Variants in CCDC30 observed in about 807,000 individuals in gnomAD.
The protein encoded by CCDC30 is coiled-coil domain containing 30, also known as coiled-coil domain-containing protein 30.
Under a neutral mutation model 100.2 loss-of-function variants are expected in CCDC30, and 70 were observed. The ratio of observed to expected loss-of-function variants is 0.70; its 90% CI spans 0.58 to 0.85. CCDC30 has a LOEUF of 0.85. CCDC30 is among the 40% of genes least tolerant of loss of function. The pLI is 0.00. For synonymous variants in CCDC30, 233 were observed against 269.5 expected (o/e 0.86, Z 1.33); for missense variants, 652 against 771.2 (o/e 0.85, Z 1.83).
intron 6 of CCDC30, among the ~76,000 whole-genome samples, chr1:42,511,846 G>A (rs1342472536): frequency 6.6e-6 from 1 of 152,074 alleles, no homozygotes; most frequent in Admixed American, 6.5e-5. Context: ...TCTGAGACCA[G>A]CTTGGTCGTG....
chr1:42,507,491 T>C (rs1040717942), intron 6 of CCDC30, among the ~76,000 whole-genome samples: 1 of 152,234 alleles, frequency 6.6e-6, no homozygotes, highest in African/African-American at 2.4e-5. Context: ...CCTTCAGCTT[T>C]ATCTTATCTA....
rs144355749 is a variant in CCDC30, at chr1:42,574,839, T to C, written c.637-2181T>C. ...GTAATATTAGCATATGCCTCAGCTC[T>C]GTATTTCAAATGCAGTAGATATTCT... On this transcript the variant is annotated intron_variant, in intron 7 of 16. Coordinates refer to ENST00000668663, the Ensembl canonical transcript of CCDC30. Among the ~76,000 whole-genome samples the C allele has an allele frequency of 8.8e-4, 134 of 152,348 alleles. 2 individuals carry two copies. In the East Asian group the frequency reaches 0.021, roughly 23 times the overall value.
intron 11 of CCDC30, among the ~76,000 whole-genome samples, chr1:42,616,620 A>G (rs906735476): frequency 6.6e-6 from 1 of 152,236 alleles, no homozygotes; most frequent in Admixed American, 6.5e-5. Flanking sequence ...CTTAAACACA[A>G]GCTAAAAGTT....
At position 42,510,052 on chromosome 1, in the gene CCDC30, G is replaced by A. The variant is rs969176857; in HGVS notation, c.456+11136G>A. ...AGGAAAAATACCATAGAAAAGTCTC[G>A]GGGTTTGTGTTGTAGAATTGGAGGA... On this transcript the variant is annotated intron_variant, in intron 6 of 16. Transcript: ENST00000668663. 1.4e-5 allele frequency: 14 copies of A among 985,022 alleles called. No homozygotes were observed. The Admixed American group carries it at 1.8e-4, about 13-fold the overall frequency. 61.0% of individuals were successfully genotyped at this position (985,022 alleles called of 1,614,324 possible).
At chr1:42,584,091 A>G (rs997491073) in intron 9 of CCDC30, among the ~76,000 whole-genome samples, 4 of 152,134 alleles carry the variant, frequency 2.6e-5, no homozygotes, top group Non-Finnish European at 5.9e-5. Context: ...GTGTTTATAA[A>G]CTATAAAAAT....
intron 1 of CCDC30, among the ~76,000 whole-genome samples, chr1:42,473,924 T>C (rs1463894651): frequency 6.6e-6 from 1 of 152,188 alleles, no homozygotes. Flanking sequence ...CTGGACCTCA[T>C]ATCCTAGGAC....
intron 6 of CCDC30, among the ~76,000 whole-genome samples, chr1:42,514,644 T>C (rs574187667): frequency 1.6e-4 from 25 of 152,214 alleles, no homozygotes; most frequent in African/African-American, 4.1e-4. Flanking sequence ...ATTAGTCTCT[T>C]ATGTGTTTTG....
At chr1:42,487,242 T>C (rs1644067357) in intron 3 of CCDC30, among the ~76,000 whole-genome samples, 1 of 152,118 alleles carries the variant, frequency 6.6e-6, no homozygotes, top group Non-Finnish European at 1.5e-5. Context: ...TAGATTGCGA[T>C]GGTTGCATAC....
chr1:42,516,460 G>A (rs569320354), intron 6 of CCDC30, among the ~76,000 whole-genome samples: 1 of 151,644 alleles, frequency 6.6e-6, no homozygotes, highest in Admixed American at 6.6e-5. Context: ...TGAATTCCTC[G>A]GGAGGCTGAG....
intron 7 of CCDC30, among the ~76,000 whole-genome samples, chr1:42,567,825 G>A (rs963756676): frequency 6.6e-6 from 1 of 152,046 alleles, no homozygotes; most frequent in Non-Finnish European, 1.5e-5. Flanking sequence ...CATATGATTG[G>A]TACCCTATAA....
intron 6 of CCDC30, among the ~76,000 whole-genome samples, chr1:42,521,539 G>A (rs369749325): frequency 6.6e-6 from 1 of 152,152 alleles, no homozygotes; most frequent in African/African-American, 2.4e-5. Flanking sequence ...ATTGCTGTTG[G>A]TTATAGCATC....
intron 7 of CCDC30, among the ~76,000 whole-genome samples, chr1:42,575,382 G>A (rs1472534596): frequency 2.6e-5 from 4 of 151,872 alleles, no homozygotes; most frequent in Non-Finnish European, 4.4e-5. Context: ...GGGTGCGGTG[G>A]CTCACACCCG....
chr1:42,465,384 G>A (rs994315412), intron 1 of CCDC30, among the ~76,000 whole-genome samples: 4 of 151,772 alleles, frequency 2.6e-5, no homozygotes, highest in African/African-American at 9.7e-5. Context: ...TTTTGTTTGA[G>A]ACGGAATTTC....
chr1:42,493,935 T>G (rs2148470277), intron 4 of CCDC30, among the ~76,000 whole-genome samples: 1 of 152,218 alleles, frequency 6.6e-6, no homozygotes, highest in Middle Eastern at 3.4e-3. Flanking sequence ...TCCCATGGGC[T>G]GGACATCGTG....
chr1:42,565,622 A>G (rs368551002), intron 6 of CCDC30, among the ~76,000 whole-genome samples: 3 of 152,328 alleles, frequency 2.0e-5, no homozygotes, highest in Admixed American at 6.5e-5. Context: ...GGAAAACAGT[A>G]TGGAGGTTCC....
At chr1:42,615,238 GTTTTCAAACTGGTTGCTGGAA>G (rs1348866924) in intron 11 of CCDC30, among the ~76,000 whole-genome samples, 1 of 152,148 alleles carries the variant, frequency 6.6e-6, no homozygotes, top group Non-Finnish European at 1.5e-5. Flanking sequence ...CTCTCTGGGG[GTTTTCAAACTGGTTGCTGGAA>G]TTTGTGTCTG....
At chr1:42,480,648 G>A (rs557037198) in intron 2 of CCDC30, 82 bp downstream of exon 2, 1 of 980,770 alleles carries the variant, frequency 1.0e-6, no homozygotes, top group Non-Finnish European at 1.2e-6. Context: ...ATTGAATTTT[G>A]TTAAGAAGAA....
chr1:42,610,558 G>C (rs997327548), intron 10 of CCDC30, among the ~76,000 whole-genome samples: 4 of 151,852 alleles, frequency 2.6e-5, no homozygotes, highest in African/African-American at 9.7e-5. Context: ...CATGTAGCTG[G>C]GACTATAGGC....
At position 42,545,137 on chromosome 1, in the gene CCDC30, C is replaced by G. The variant is rs115899214; in HGVS notation, c.457-21159C>G. The stretch of plus-strand genomic sequence containing the variant: ...AATGCTAAACAGCACTCTGAGAACC[C>G]AACCCCAGAGTCCAAAAATACCTTT... On this transcript the variant is annotated intron_variant, in intron 6 of 16. Coordinates refer to ENST00000668663, the Ensembl canonical transcript of CCDC30. Among the ~76,000 whole-genome samples, 331 of 128,016 alleles carry G rather than the reference C, an allele frequency of 2.6e-3. 3 individuals carry two copies. Among genetic ancestry groups the G allele is most frequent in the African/African-American group, 9.5e-3 (324 of 34,202 alleles). 84.0% of individuals were successfully genotyped at this position (128,016 alleles called of 152,430 possible). A position where few individuals can be genotyped will look rare whatever the true frequency, so the allele number is the denominator to read the frequency against.
Sources: gnomAD v4.1 joint callset for allele counts (sites outside exome capture counted in the v4.1 genomes callset) on GRCh38, gnomAD v4.1.1 for gene constraint, MANE v1.5 for transcripts, NCBI Gene and HGNC (gene_info 2026-07-23, HGNC 2026-07-21) for gene names.